Variants in PRORP observed in about 807,000 individuals in gnomAD.
PRORP encodes protein only RNase P catalytic subunit.
In PRORP, 51 loss-of-function variants were observed where a neutral mutation model predicts 59.4. That is an observed-to-expected ratio of 0.86 (90% CI 0.69 to 1.08). PRORP has a LOEUF of 1.08. PRORP is among the 50% of genes least tolerant of loss of function. PRORP has a pLI of 0.00. For synonymous variants in PRORP, 231 were observed against 245.6 expected (o/e 0.94, Z 0.55); for missense variants, 646 against 690.3 (o/e 0.94, Z 0.72).
intron 4 of PRORP, among the ~76,000 whole-genome samples, chr14:35,160,013 A>C (rs1220395732): frequency 6.6e-6 from 1 of 152,254 alleles, no homozygotes; most frequent in Non-Finnish European, 1.5e-5. Context: ...AGGAATAATG[A>C]AACAGATTCA....
intron 5 of PRORP, among the ~76,000 whole-genome samples, chr14:35,241,025 C>T (rs1232420783): frequency 6.6e-6 from 1 of 152,124 alleles, no homozygotes; most frequent in African/African-American, 2.4e-5. Context: ...ATAACAACTA[C>T]TTACATAGCA....
intron 5 of PRORP, among the ~76,000 whole-genome samples, chr14:35,238,264 G>A (rs1255255842): frequency 2.0e-5 from 3 of 152,142 alleles, no homozygotes; most frequent in East Asian, 1.9e-4. Context: ...GTCTTTTACC[G>A]TGCCGCACTA....
chr14:35,133,109 A>G (rs1035026082), intron 4 of PRORP, among the ~76,000 whole-genome samples: 4 of 151,948 alleles, frequency 2.6e-5, no homozygotes, highest in African/African-American at 9.7e-5. Flanking sequence ...TTTAGTAGAG[A>G]TGGGGTTTCA....
At chr14:35,182,122 C>T (rs573327100) in intron 5 of PRORP, among the ~76,000 whole-genome samples, 8 of 149,572 alleles carry the variant, frequency 5.3e-5, no homozygotes, top group South Asian at 2.1e-4. Context: ...AAAAATTAGC[C>T]GGGCATGATG....
At chr14:35,254,280 C>G (rs11846737) in intron 5 of PRORP, among the ~76,000 whole-genome samples, 1 of 152,124 alleles carries the variant, frequency 6.6e-6, no homozygotes, top group African/African-American at 2.4e-5. Flanking sequence ...ACTGCAGAAG[C>G]CTCCTAATTG....
At chr14:35,152,944 C>G (rs28552865) in intron 4 of PRORP, among the ~76,000 whole-genome samples, 2 of 143,796 alleles carry the variant, frequency 1.4e-5, no homozygotes, top group East Asian at 4.3e-4. Flanking sequence ...GCATCCCAGA[C>G]GATGGGCGGC....
chr14:35,250,846 C>T (rs533904081), intron 5 of PRORP, among the ~76,000 whole-genome samples: 17 of 151,968 alleles, frequency 1.1e-4, no homozygotes, highest in Admixed American at 1.1e-3. Context: ...GGTGGCCAAT[C>T]TCCATTTTAT....
intron 4 of PRORP, among the ~76,000 whole-genome samples, chr14:35,138,614 C>T (rs2047421561): frequency 6.9e-6 from 1 of 144,940 alleles, no homozygotes; most frequent in Admixed American, 7.2e-5. Flanking sequence ...TCCATAAACA[C>T]CTAAAATGAG....
At chr14:35,269,091 C>T (rs2051121568) in intron 6 of PRORP, among the ~76,000 whole-genome samples, 1 of 152,048 alleles carries the variant, frequency 6.6e-6, no homozygotes, top group Non-Finnish European at 1.5e-5. Context: ...TTAGTTTACC[C>T]AGGTTGAGAT....
intron 4 of PRORP, among the ~76,000 whole-genome samples, chr14:35,176,910 C>A (rs537133413): frequency 6.6e-6 from 1 of 152,086 alleles, no homozygotes; most frequent in Non-Finnish European, 1.5e-5. Flanking sequence ...TTTTGAGATA[C>A]GTCCCATCAA....
At chr14:35,223,411 T>G (rs892068106) in intron 5 of PRORP, among the ~76,000 whole-genome samples, 2 of 152,000 alleles carry the variant, frequency 1.3e-5, no homozygotes, top group Non-Finnish European at 2.9e-5. Flanking sequence ...GTAGTGACAC[T>G]TGCCTCCTTG....
intron 5 of PRORP, among the ~76,000 whole-genome samples, chr14:35,249,039 A>C (rs1264567280): frequency 1.3e-5 from 2 of 152,344 alleles, no homozygotes; most frequent in South Asian, 2.1e-4. Flanking sequence ...AAGAGAGTTC[A>C]TCAATCATTG....
At chr14:35,130,017 T>C (rs923493328) in intron 4 of PRORP, among the ~76,000 whole-genome samples, 1 of 151,592 alleles carries the variant, frequency 6.6e-6, no homozygotes, top group Non-Finnish European at 1.5e-5. Flanking sequence ...GATTGGTTCA[T>C]TGTTTAGACT....
intron 5 of PRORP, among the ~76,000 whole-genome samples, chr14:35,199,757 T>C (rs1308882207): frequency 6.6e-6 from 1 of 152,254 alleles, no homozygotes; most frequent in Admixed American, 6.5e-5. Flanking sequence ...AGTATTTCTT[T>C]AATGTGAAAA....
At chr14:35,240,399 A>G (rs2050334229) in intron 5 of PRORP, among the ~76,000 whole-genome samples, 1 of 148,460 alleles carries the variant, frequency 6.7e-6, no homozygotes, top group East Asian at 2.0e-4. Context: ...ACATGCAGGT[A>G]GTTACAGCCA....
intron 5 of PRORP, among the ~76,000 whole-genome samples, chr14:35,228,629 A>T (rs939794107): frequency 6.6e-6 from 1 of 152,192 alleles, no homozygotes; most frequent in African/African-American, 2.4e-5. Context: ...GCTGCGAAGG[A>T]CATGATTTTG....
chr14:35,226,178 C>T (rs2049929408), intron 5 of PRORP, among the ~76,000 whole-genome samples: 1 of 152,200 alleles, frequency 6.6e-6, no homozygotes, highest in Admixed American at 6.5e-5. Context: ...GCCATGTAAG[C>T]TTTCAAATAC....
intron 4 of PRORP, among the ~76,000 whole-genome samples, chr14:35,149,254 A>C (rs151001218): frequency 6.6e-6 from 1 of 151,432 alleles, no homozygotes; most frequent in Non-Finnish European, 1.5e-5. Context: ...TCATTCTGTC[A>C]TCCAGGCTGG....
At chr14:35,175,569 T>G (rs780173229) in intron 4 of PRORP, among the ~76,000 whole-genome samples, 1 of 140,572 alleles carries the variant, frequency 7.1e-6, no homozygotes, top group Admixed American at 7.5e-5. Context: ...TCATGTCCTT[T>G]GCCCACTTTT....
Sources: allele counts gnomAD v4.1 joint callset (sites outside exome capture counted in the v4.1 genomes callset), GRCh38; gene constraint gnomAD v4.1.1; transcripts MANE v1.5; gene names NCBI Gene and HGNC (gene_info 2026-07-23, HGNC 2026-07-21).